The following WDFY4 variants were observed in gnomAD, a reference collection of about 807,000 sequenced individuals.
WDFY4 encodes WD repeat- and FYVE domain-containing protein 4.
In WDFY4, 169 loss-of-function variants were observed where a neutral mutation model predicts 351.9. The ratio of observed to expected loss-of-function variants is 0.48; its 90% CI spans 0.42 to 0.55. The LOEUF is 0.55. Among genes scored for constraint, WDFY4 ranks in the 20% least tolerant of loss-of-function variants. The pLI is 0.00. For missense variants in WDFY4, 3,803 were observed against 3,935.6 expected, an observed-to-expected ratio of 0.97 and a Z score of 0.90; for synonymous variants, 1,622 against 1,574.6, an observed-to-expected ratio of 1.03 and a Z score of -0.71.
intron 39 of WDFY4, 106 bp downstream of exon 39, chr10:48,832,815 C>G: frequency 7.4e-7 from 1 of 1,359,752 alleles, no homozygotes; most frequent in Non-Finnish European, 9.6e-7. Context: ...TCTAACTCCA[C>G]GTCCTTGTGA....
chr10:48,964,334 A>G (rs1393161483), intron 54 of WDFY4, among the ~76,000 whole-genome samples: 1 of 152,242 alleles, frequency 6.6e-6, no homozygotes, highest in Admixed American at 6.5e-5. Context: ...TTGTGTTCGT[A>G]TCTACCCTAC....
intron 53 of WDFY4, among the ~76,000 whole-genome samples, chr10:48,962,218 G>A (rs897475092): frequency 6.6e-6 from 1 of 152,188 alleles, no homozygotes; most frequent in South Asian, 2.1e-4. Context: ...CCCCAAGCCA[G>A]GTGGTAGGCT....
At chr10:48,795,530 TATATACAC>T (rs1345316059) in intron 23 of WDFY4, among the ~76,000 whole-genome samples, 2,106 of 77,456 alleles carry the variant, frequency 0.027, 86 homozygotes, top group East Asian at 0.14. Context: ...TATACATATA[TATATACAC>T]ACACATGAAT....
Position 48,943,407 on chromosome 10 carries a change from G to A in WDFY4, c.7707G>A (p.Gln2569=), listed in dbSNP as rs1057002159. Residue 2569 remains glutamine, a synonymous_variant, in exon 49 of 62, where the codon CAG becomes CAA. Coordinates refer to ENST00000325239, the MANE Select transcript of WDFY4 (RefSeq NM_001394531.1). The part of the protein sequence containing the change: ...AAGRTCNDYM[Q]YPVFPWVLAD... ...GGAGAACCTGCAATGACTACATGCAGTACCCAGTGTTCCCCTGGGTCCTCG... is the reference window on the plus strand; with the variant it reads ...GGAGAACCTGCAATGACTACATGCAATACCCAGTGTTCCCCTGGGTCCTCG... 11 of 1,551,752 alleles carry A rather than the reference G, an allele frequency of 7.1e-6. No individual in the cohort carries two copies.
At chr10:48,755,736 T>A (rs1206594001) in intron 12 of WDFY4, among the ~76,000 whole-genome samples, 2 of 152,172 alleles carry the variant, frequency 1.3e-5, no homozygotes, top group African/African-American at 2.4e-5. Context: ...TTCACCAATA[T>A]TGTCTTGATT....
At chr10:48,802,002 GTC>G (rs1404753680) in intron 24 of WDFY4, among the ~76,000 whole-genome samples, 2 of 150,982 alleles carry the variant, frequency 1.3e-5, no homozygotes, top group Non-Finnish European at 1.5e-5. Context: ...TTTGAAAACA[GTC>G]TCTGCCAATT....
chr10:48,835,078 A>C (rs547131333), intron 39 of WDFY4, among the ~76,000 whole-genome samples: 7 of 152,322 alleles, frequency 4.6e-5, no homozygotes, highest in Non-Finnish European at 1.0e-4. Flanking sequence ...TTGTTCATTC[A>C]ACAAATATTT....
intron 51 of WDFY4, among the ~76,000 whole-genome samples, chr10:48,952,003 G>C (rs574243076): frequency 6.6e-6 from 1 of 152,242 alleles, no homozygotes; most frequent in Non-Finnish European, 1.5e-5. Context: ...AGGGTTTTCC[G>C]AACCACCTGA....
chr10:48,830,918 C>T, intron 38 of WDFY4, 33 bp downstream of exon 38: 2 of 1,535,290 alleles, frequency 1.3e-6, no homozygotes, highest in Non-Finnish European at 1.8e-6. Flanking sequence ...GGAATGGGAA[C>T]TCCTGGGTCT....
chr10:48,957,670 G>T (rs1160542412), intron 52 of WDFY4, among the ~76,000 whole-genome samples: 2 of 152,192 alleles, frequency 1.3e-5, no homozygotes, highest in African/African-American at 2.4e-5. Context: ...CCCACAAATG[G>T]GTTCATGTGG....
At chr10:48,884,937 G>A (rs573564464) in intron 43 of WDFY4, among the ~76,000 whole-genome samples, 2 of 152,224 alleles carry the variant, frequency 1.3e-5, no homozygotes, top group Admixed American at 1.3e-4. Flanking sequence ...CATCTTAAAG[G>A]CATGTCTTAT....
chr10:48,832,343 G>A (rs551982262), intron 38 of WDFY4, among the ~76,000 whole-genome samples: 13 of 152,226 alleles, frequency 8.5e-5, no homozygotes, highest in South Asian at 6.2e-4. Context: ...TCAACAAGCC[G>A]TGGAGCTAGG....
chr10:48,831,111 G>A (rs2068174367), intron 38 of WDFY4, among the ~76,000 whole-genome samples: 1 of 152,190 alleles, frequency 6.6e-6, no homozygotes, highest in Non-Finnish European at 1.5e-5. Context: ...CAACCAAGCA[G>A]GAAGATTCCA....
At chr10:48,736,205 G>A (rs1284817564) in intron 11 of WDFY4, 135 bp downstream of exon 11, 15 of 940,162 alleles carry the variant, frequency 1.6e-5, no homozygotes, top group South Asian at 4.3e-5. Flanking sequence ...ATTAGGTAGC[G>A]TCAGGTGCTG....
intron 13 of WDFY4, among the ~76,000 whole-genome samples, chr10:48,761,302 C>T (rs905556004): frequency 6.6e-6 from 1 of 152,144 alleles, no homozygotes; most frequent in Non-Finnish European, 1.5e-5. Flanking sequence ...AGAAGCCTCT[C>T]TCACGTGAGT....
chr10:48,931,052 A>T (rs1460781358), intron 47 of WDFY4, among the ~76,000 whole-genome samples: 1 of 151,670 alleles, frequency 6.6e-6, no homozygotes, highest in African/African-American at 2.4e-5. Flanking sequence ...ATTTCTAACC[A>T]GAAAAAAAAG....
At chr10:48,799,950 A>G (rs937982060) in intron 24 of WDFY4, among the ~76,000 whole-genome samples, 2 of 152,050 alleles carry the variant, frequency 1.3e-5, no homozygotes, top group Admixed American at 1.3e-4. Flanking sequence ...CAGTGGCACA[A>G]TCTCGGCTCA....
chr10:48,734,120 A>G lies in WDFY4; in HGVS notation c.1687+85A>G, dbSNP rs893937384. ...TTATTTATGGCAGTGTTCACAGGTT[A>G]TACTCAAGGAGTAACCAATACACAG... is the stretch of plus-strand genomic sequence containing the variant. On this transcript the variant is annotated intron_variant, in intron 10 of 61. Coordinates refer to ENST00000325239, the MANE Select transcript of WDFY4 (RefSeq NM_001394531.1). The G allele has an allele frequency of 5.7e-6, 7 of 1,218,138 alleles. No homozygotes were observed. The Admixed American group carries it at 6.0e-5, about 10-fold the overall frequency. 75.5% of individuals were successfully genotyped at this position (1,218,138 alleles called of 1,614,324 possible).
In WDFY4 at chr10:48,696,147, C is replaced by T. The variant is rs560250061; in HGVS notation, c.-18+11146C>T. ...GTGTAGGGCCCTGGGCCCTGCCATT[C>T]TCTGCCAGCAGGCACACTCAGCCCT... On this transcript the variant is annotated intron_variant, in intron 1 of 61. Transcript: ENST00000325239. 1.6e-4 allele frequency among the ~76,000 whole-genome samples: 25 copies of T among 152,346 alleles called. 1 individual carries two copies. The South Asian group carries it at 5.0e-3, about 30-fold the overall frequency.
Sources: allele counts gnomAD v4.1 joint callset (sites outside exome capture counted in the v4.1 genomes callset), GRCh38; gene constraint gnomAD v4.1.1; transcripts MANE v1.5; gene names NCBI Gene and HGNC (gene_info 2026-07-23, HGNC 2026-07-21).